The following PPP1R2 variants were observed in gnomAD, a reference collection of about 807,000 sequenced individuals.
The protein encoded by PPP1R2 is protein phosphatase 1 regulatory inhibitor subunit 2.
In PPP1R2, 16 loss-of-function variants were observed where a neutral mutation model predicts 29.9. The ratio of observed to expected loss-of-function variants is 0.53; its 90% CI spans 0.36 to 0.81. The LOEUF is 0.81. Ranked by LOEUF, PPP1R2 falls within the 30% of genes least tolerant of loss-of-function variation. The pLI, the probability that PPP1R2 is intolerant of heterozygous loss-of-function variation, is 0.00. For missense variants in PPP1R2, 197 were observed against 252.7 expected (o/e 0.78, Z 1.49); for synonymous variants, 76 against 91.5 (o/e 0.83, Z 0.96).
At chr3:195,530,915 T>C (rs1368194822) in intron 1 of PPP1R2, among the ~76,000 whole-genome samples, 5 of 151,976 alleles carry the variant, frequency 3.3e-5, no homozygotes, top group African/African-American at 1.2e-4. Context: ...CTCTGCCTCC[T>C]GGGTTCAAGC....
chr3:195,541,676 T>C (rs563228491), intron 1 of PPP1R2, among the ~76,000 whole-genome samples: 1 of 152,232 alleles, frequency 6.6e-6, no homozygotes, highest in Admixed American at 6.5e-5. Context: ...TTCCATGACC[T>C]ACACATCACA....
intron 4 of PPP1R2, among the ~76,000 whole-genome samples, chr3:195,520,800 C>T (rs897329555): frequency 4.6e-5 from 7 of 151,752 alleles, no homozygotes; most frequent in African/African-American, 1.7e-4. Context: ...ACTACAGATG[C>T]GTGCCACCAC....
chr3:195,532,461 G>A (rs138055002), intron 1 of PPP1R2, among the ~76,000 whole-genome samples: 135 of 152,168 alleles, frequency 8.9e-4, no homozygotes, highest in African/African-American at 3.1e-3. Flanking sequence ...ACTAGACTGG[G>A]TAAACAGAGC....
Position 195,524,900 on chromosome 3 carries a change from G to A in PPP1R2, c.231-4C>T, listed in dbSNP as rs559951556. 8.5e-5 allele frequency: 137 copies of A among 1,613,270 alleles called. 1 individual carries two copies. The South Asian group carries it at 1.3e-3, about 16-fold the overall frequency. ...ATCTTCATCATCCCCCATCATACTA[G>A]TATGACAAGCACATTGTAATTAATA... On this transcript the variant is annotated splice_polypyrimidine_tract_variant and splice_region_variant and intron_variant, in intron 2 of 5. Coordinates refer to ENST00000618156, the MANE Select transcript of PPP1R2 (RefSeq NM_006241.8).
Position 195,537,419 on chromosome 3 carries a change from A to T in PPP1R2, c.122+5485T>A, listed in dbSNP as rs185205115. ...CATGTTGCCATACAGATTTTTTTTTAAAAAAAGAGGACTGTTTGTAACGTC... is the reference window on the plus strand; with the variant it reads ...CATGTTGCCATACAGATTTTTTTTTTAAAAAAGAGGACTGTTTGTAACGTC... On this transcript the variant is annotated intron_variant, in intron 1 of 5. Coordinates refer to ENST00000618156, the MANE Select transcript of PPP1R2 (RefSeq NM_006241.8). 9.4e-4 allele frequency among the ~76,000 whole-genome samples: 142 copies of T among 150,816 alleles called. 2 individuals are homozygous for T. Among genetic ancestry groups the T allele is most frequent in the East Asian group, 4.9e-3 (25 of 5,144 alleles).
chr3:195,542,813 C>A, intron 1 of PPP1R2, 91 bp downstream of exon 1: 2 of 1,417,212 alleles, frequency 1.4e-6, no homozygotes, highest in Admixed American at 5.6e-5. Context: ...ACCCGAGCCG[C>A]ATCCACGCCG....
At chr3:195,536,126 C>A (rs1719372727) in intron 1 of PPP1R2, among the ~76,000 whole-genome samples, 1 of 151,938 alleles carries the variant, frequency 6.6e-6, no homozygotes, top group Non-Finnish European at 1.5e-5. Flanking sequence ...GTTTATATTA[C>A]CTGTAAGGCT....
chr3:195,533,782 G>T (rs1482704413), intron 1 of PPP1R2, among the ~76,000 whole-genome samples: 1 of 152,178 alleles, frequency 6.6e-6, no homozygotes, highest in African/African-American at 2.4e-5. Context: ...TCTTTTATGT[G>T]AGTGCAGGAT....
intron 5 of PPP1R2, among the ~76,000 whole-genome samples, chr3:195,518,805 A>C (rs1718647696): frequency 1.3e-5 from 2 of 150,066 alleles, no homozygotes; most frequent in Admixed American, 1.3e-4. Flanking sequence ...CCATATAATA[A>C]AACATATGGT....
Position 195,515,375 on chromosome 3 carries a change from A to T in PPP1R2, c.*1521T>A, listed in dbSNP as rs1718508094. On this transcript the variant is annotated 3_prime_UTR_variant, in exon 6 of 6. Transcript: ENST00000618156. ...CTGTTTCCATAAACCTGCAAGTGGAAGATAAGCTGTTCAATAAAAGCCTTC... is the reference window on the plus strand; with the variant it reads ...CTGTTTCCATAAACCTGCAAGTGGATGATAAGCTGTTCAATAAAAGCCTTC... 6.5e-6 allele frequency: 1 copy of T among 152,674 alleles called. No individual in the cohort carries two copies. The highest frequency in any genetic ancestry group is 2.4e-5 in the African/African-American group (1 of 41,462). The allele number at this position is 152,674 out of a possible 1,614,324, so 9.5% of individuals were successfully genotyped here. A position where few individuals can be genotyped will look rare whatever the true frequency, so the allele number is the denominator to read the frequency against.
chr3:195,537,481 T>TTGTGTGTGTGTGTGTGTGTGTGTGTGTG lies in PPP1R2; in HGVS notation c.122+5395_122+5422dup, dbSNP rs71180930. 2.5e-3 allele frequency among the ~76,000 whole-genome samples: 321 copies of TTGTGTGTGTGTGTGTGTGTGTGTGTGTG among 128,520 alleles called. 4 individuals are homozygous for TTGTGTGTGTGTGTGTGTGTGTGTGTGTG. Among genetic ancestry groups the TTGTGTGTGTGTGTGTGTGTGTGTGTGTG allele is most frequent in the East Asian group, 3.8e-3 (18 of 4,718 alleles). The allele number at this position is 128,520 out of a possible 152,430, so 84.3% of individuals were successfully genotyped here. The stretch of plus-strand genomic sequence containing the variant: ...ACCAAACCATTGCTAGGATTAGCTA[T>TTGTGTGTGTGTGTGTGTGTGTGTGTGTG]TGTGTGTGTGTGTGTGTGTGTGTGT... On this transcript the variant is annotated intron_variant, in intron 1 of 5. Coordinates refer to ENST00000618156, the MANE Select transcript of PPP1R2 (RefSeq NM_006241.8).
chr3:195,517,008 T>C, intron 5 of PPP1R2, 66 bp from the exon 6 acceptor site: 2 of 1,296,404 alleles, frequency 1.5e-6, no homozygotes, highest in Middle Eastern at 1.9e-4. Flanking sequence ...TAAAGTTCCC[T>C]TCTATTAGCA....
At chr3:195,536,974 G>A (rs530299652) in intron 1 of PPP1R2, among the ~76,000 whole-genome samples, 3 of 151,856 alleles carry the variant, frequency 2.0e-5, no homozygotes, top group Admixed American at 6.6e-5. Flanking sequence ...AACACAAGCA[G>A]AAATTAAGTT....
chr3:195,530,859 G>C (rs889674606), intron 1 of PPP1R2, among the ~76,000 whole-genome samples: 1 of 151,432 alleles, frequency 6.6e-6, no homozygotes, highest in African/African-American at 2.4e-5. Flanking sequence ...TTTTGCTCTT[G>C]TCGCCCAGGC....
At position 195,538,411 on chromosome 3, in the gene PPP1R2, T is replaced by G. The variant is rs556226425; in HGVS notation, c.122+4493A>C. Among the ~76,000 whole-genome samples the G allele has an allele frequency of 7.2e-5, 11 of 152,342 alleles. No homozygotes were observed. The South Asian group carries it at 2.3e-3, about 32-fold the overall frequency. The stretch of plus-strand genomic sequence containing the variant: ...TTTCTTTAAATGAAGATTCAACTTA[T>G]ATAGATTGACACAATATAAGACTTC... On this transcript the variant is annotated intron_variant, in intron 1 of 5. Transcript: ENST00000618156.
chr3:195,525,407 A>G (rs914325645), intron 2 of PPP1R2, among the ~76,000 whole-genome samples: 4 of 152,180 alleles, frequency 2.6e-5, no homozygotes, highest in Non-Finnish European at 4.4e-5. Flanking sequence ...GGATTTCGGT[A>G]TCTGAGGGAG....
chr3:195,541,952 T>G lies in PPP1R2; in HGVS notation c.122+952A>C, dbSNP rs147649566. On this transcript the variant is annotated intron_variant, in intron 1 of 5. Transcript: ENST00000618156. ...ATCCTTTATCCAGGAATGCCCTAGG[T>G]TCCTATATTCTGAGATTTCACAAAC... Among the ~76,000 whole-genome samples, 453 of 152,334 alleles carry G rather than the reference T, an allele frequency of 3.0e-3. 4 individuals carry two copies. The highest frequency in any genetic ancestry group is 9.9e-3 in the Admixed American group (151 of 15,298).
rs190821444 is a variant in PPP1R2, at chr3:195,538,737, C to T, written c.122+4167G>A. ...ACTCCAAAGCAGACTGTGTAAAAAC[C>T]CCGCTGAGATATGGAAAAAATGAAT... On this transcript the variant is annotated intron_variant, in intron 1 of 5. Transcript: ENST00000618156. 2.0e-3 allele frequency among the ~76,000 whole-genome samples: 297 copies of T among 152,078 alleles called. 3 individuals are homozygous for T. Among genetic ancestry groups the T allele is most frequent in the Middle Eastern group, 3.4e-3 (1 of 294 alleles).
intron 2 of PPP1R2, among the ~76,000 whole-genome samples, chr3:195,527,544 T>C (rs1023881009): frequency 3.3e-5 from 5 of 152,098 alleles, no homozygotes; most frequent in African/African-American, 1.2e-4. Context: ...ATTACAGGCG[T>C]TGAGCCACTG....
Sources: allele counts gnomAD v4.1 joint callset (sites outside exome capture counted in the v4.1 genomes callset), GRCh38; gene constraint gnomAD v4.1.1; transcripts MANE v1.5; gene names NCBI Gene and HGNC (gene_info 2026-07-23, HGNC 2026-07-21).